The following AUTS2 variants were observed in gnomAD, a reference collection of about 807,000 sequenced individuals.
AUTS2 encodes activator of transcription and developmental regulator AUTS2.
Under a neutral mutation model 112.4 loss-of-function variants are expected in AUTS2, and 17 were observed. The ratio of observed to expected loss-of-function variants is 0.15; its 90% CI spans 0.10 to 0.23. The LOEUF (loss-of-function observed/expected upper bound fraction) is 0.23, where lower values mean the gene tolerates loss of function less well. AUTS2 is among the 10% of genes least tolerant of loss of function. The probability of loss-of-function intolerance (pLI) is 1.00; values close to 1 mark genes in which losing one functional copy is unlikely to be tolerated. For synonymous variants in AUTS2, 751 were observed against 702.7 expected, an observed-to-expected ratio of 1.07 and a Z score of -1.09; for missense variants, 1,510 against 1,701.6, an observed-to-expected ratio of 0.89 and a Z score of 1.98.
chr7:69,920,741 T>C (rs1360081940), intron 2 of AUTS2, among the ~76,000 whole-genome samples: 2 of 152,192 alleles, frequency 1.3e-5, no homozygotes, highest in African/African-American at 4.8e-5. Context: ...CGTGAAATGG[T>C]TCTTGTGTAG....
At chr7:70,104,736 T>C (rs1804680284) in intron 2 of AUTS2, among the ~76,000 whole-genome samples, 1 of 152,222 alleles carries the variant, frequency 6.6e-6, no homozygotes, top group African/African-American at 2.4e-5. Context: ...ATTTGGAATG[T>C]GGAAGTGAAA....
At chr7:70,176,328 T>G (rs1181169451) in intron 4 of AUTS2, among the ~76,000 whole-genome samples, 2 of 152,214 alleles carry the variant, frequency 1.3e-5, no homozygotes, top group Non-Finnish European at 2.9e-5. Context: ...ACTTAATAAT[T>G]ACTTCAAGTC....
chr7:69,716,305 A>AT (rs544306503), intron 1 of AUTS2, among the ~76,000 whole-genome samples: 14 of 149,934 alleles, frequency 9.3e-5, no homozygotes, highest in East Asian at 3.9e-4. Context: ...TCACAATCAC[A>AT]TTTTTTTTTC....
intron 2 of AUTS2, among the ~76,000 whole-genome samples, chr7:70,078,397 G>A (rs1256605769): frequency 2.6e-5 from 4 of 152,140 alleles, no homozygotes; most frequent in African/African-American, 9.7e-5. Context: ...TTGACGAATT[G>A]TTTATTTCTG....
intron 2 of AUTS2, among the ~76,000 whole-genome samples, chr7:70,108,215 T>C (rs1020142565): frequency 1.3e-5 from 2 of 152,150 alleles, no homozygotes; most frequent in African/African-American, 4.8e-5. Context: ...GGGATCAAAA[T>C]AGTGGCAAGT....
At chr7:69,766,507 T>G (rs79523370) in intron 1 of AUTS2, among the ~76,000 whole-genome samples, 3,301 of 152,320 alleles carry the variant, frequency 0.022, 116 homozygotes, top group African/African-American at 0.072. Context: ...ATTTTTATTT[T>G]TTTGAGAAAC....
intron 5 of AUTS2, among the ~76,000 whole-genome samples, chr7:70,697,507 C>T (rs189902905): frequency 5.9e-5 from 9 of 151,852 alleles, no homozygotes; most frequent in African/African-American, 1.9e-4. Context: ...ATTGAATATC[C>T]TCTTTGTCCC....
chr7:70,098,572 G>A (rs1804317655), intron 2 of AUTS2, among the ~76,000 whole-genome samples: 1 of 151,976 alleles, frequency 6.6e-6, no homozygotes, highest in African/African-American at 2.4e-5. Context: ...CTCACTCAAA[G>A]GGGGAAAAAA....
rs2293508 is a variant in AUTS2 at position 70,763,153 on chromosome 7, A to G, written c.1026A>G (p.Pro342=). 0.052 allele frequency: 84,690 copies of G among 1,613,838 alleles called. 3,555 individuals carry two copies. The highest frequency in any genetic ancestry group is 0.21 in the African/African-American group (15,869 of 74,948). ...CCCCACCTCTGAGTACACAGCCACC[A>G]CAGGGCCCTCCTGAGGCCCAGCTCC... is the stretch of plus-strand genomic sequence containing the variant. ...PQPPPLSTQP[P]QGPPEAQLQP... The change falls in exon 7 of 19, where the codon CCA becomes CCG. Residue 342 remains proline, a synonymous_variant. Transcript: ENST00000342771.
chr7:70,734,161 C>T (rs1787631769), intron 6 of AUTS2, among the ~76,000 whole-genome samples: 1 of 151,366 alleles, frequency 6.6e-6, no homozygotes, highest in Non-Finnish European at 1.5e-5. Context: ...AAACCCTGGT[C>T]GGGTGTGGTG....
chr7:70,532,508 C>T lies in AUTS2; in HGVS notation c.690+96727C>T, dbSNP rs138210002. On this transcript the variant is annotated intron_variant, in intron 5 of 18. Transcript: ENST00000342771. ...CCAGAGCTTAGCTGATAACTGAGAACAGGGTCGATACCAGGGTATCAGACA... is the reference window on the plus strand; with the variant it reads ...CCAGAGCTTAGCTGATAACTGAGAATAGGGTCGATACCAGGGTATCAGACA... Among the ~76,000 whole-genome samples, 12 of 152,270 alleles carry T rather than the reference C, an allele frequency of 7.9e-5. No homozygotes were observed. In the East Asian group the frequency reaches 2.1e-3, roughly 27 times the overall value.
At chr7:70,322,565 C>T (rs1790303425) in intron 4 of AUTS2, among the ~76,000 whole-genome samples, 1 of 152,126 alleles carries the variant, frequency 6.6e-6, no homozygotes, top group African/African-American at 2.4e-5. Context: ...TGAATGCCTA[C>T]TAGAAGTCAA....
chr7:70,752,645 G>A (rs1881010), intron 6 of AUTS2, among the ~76,000 whole-genome samples: 9,336 of 152,146 alleles, frequency 0.061, 333 homozygotes, highest in Middle Eastern at 0.16. Context: ...ACAAAGATAG[G>A]CACATGAGGC....
Position 69,935,237 on chromosome 7 carries a change from A to G in AUTS2, c.522+35739A>G, listed in dbSNP as rs565242485. Among the ~76,000 whole-genome samples the G allele has an allele frequency of 3.3e-5, 5 of 152,300 alleles. No homozygotes were observed. The East Asian group carries it at 7.7e-4, about 24-fold the overall frequency. On this transcript the variant is annotated intron_variant, in intron 2 of 18. Transcript: ENST00000342771. ...AGGAGAGAGTTGTCTCATACGAGCT[A>G]TGAAGGTTAAGTATTGCTTAGGAGG...
Position 69,674,388 on chromosome 7 carries a change from G to T in AUTS2, c.309+74426G>T, listed in dbSNP as rs183957927. Among the ~76,000 whole-genome samples the T allele has an allele frequency of 1.4e-3, 219 of 152,186 alleles. 3 individuals are homozygous for T. The highest frequency in any genetic ancestry group is 5.0e-3 in the African/African-American group (209 of 41,506). ...GGAGACTGCCTGGATCTGGGTGCTG[G>T]TCTGACTCTTGAGCTGTGGGACCTT... On this transcript the variant is annotated intron_variant, in intron 1 of 18. Coordinates refer to ENST00000342771, the MANE Select transcript of AUTS2 (RefSeq NM_015570.4).
Position 70,792,481 on chromosome 7 carries a change from T to A in AUTS2, c.*1485T>A, listed in dbSNP as rs1792031219. 2 of 146,038 alleles carry A rather than the reference T, an allele frequency of 1.4e-5. No homozygotes were observed. Among genetic ancestry groups the A allele is most frequent in the South Asian group, 2.2e-4 (1 of 4,562 alleles). 9.0% of individuals were successfully genotyped at this position (146,038 alleles called of 1,614,324 possible). On this transcript the variant is annotated 3_prime_UTR_variant, in exon 19 of 19. Transcript: ENST00000342771. Reference sequence around the variant, plus strand: ...AGTGCTATCTGACGTTGTTATCCTGTTTTTGCAAAAAAAAAAAAAAAAAAA... The same window carrying A: ...AGTGCTATCTGACGTTGTTATCCTGATTTTGCAAAAAAAAAAAAAAAAAAA...
At chr7:69,749,699 A>G (rs1787655378) in intron 1 of AUTS2, among the ~76,000 whole-genome samples, 1 of 152,184 alleles carries the variant, frequency 6.6e-6, no homozygotes, top group South Asian at 2.1e-4. Flanking sequence ...TGCTTAAGTT[A>G]TTTGTTTTAT....
At chr7:70,045,330 T>C (rs1247500538) in intron 2 of AUTS2, among the ~76,000 whole-genome samples, 1 of 152,180 alleles carries the variant, frequency 6.6e-6, no homozygotes, top group Non-Finnish European at 1.5e-5. Context: ...TGACCAGTTC[T>C]AATTGAGGTG....
At chr7:70,739,595 A>G (rs764457494) in intron 6 of AUTS2, among the ~76,000 whole-genome samples, 2 of 152,070 alleles carry the variant, frequency 1.3e-5, no homozygotes, top group Non-Finnish European at 2.9e-5. Flanking sequence ...GACCTGCCCA[A>G]AGTCTCAAAG....
Sources: gnomAD v4.1 joint callset for allele counts (sites outside exome capture counted in the v4.1 genomes callset) on GRCh38, gnomAD v4.1.1 for gene constraint, MANE v1.5 for transcripts, NCBI Gene and HGNC (gene_info 2026-07-23, HGNC 2026-07-21) for gene names.